ASMT: variants seen among roughly 807,000 people sequenced by gnomAD.
ASMT encodes acetylserotonin N-methyltransferase.
Under a neutral mutation model 41.3 loss-of-function variants are expected in ASMT, and 53 were observed. That is an observed-to-expected ratio of 1.28 (90% CI 1.03 to 1.61). The LOEUF (loss-of-function observed/expected upper bound fraction) is 1.61. Among genes scored for constraint, ASMT ranks in the 40% most tolerant of loss-of-function variants. The pLI is 0.00. For missense variants in ASMT, 531 were observed against 441.3 expected (o/e 1.20, Z -1.82); for synonymous variants, 231 against 184.8 (o/e 1.25, Z -2.03).
At chrX:1,616,591 C>T (rs1277372215) in intron 1 of ASMT, among the ~76,000 whole-genome samples, 2 of 151,418 alleles carry the variant, frequency 1.3e-5, no homozygotes, top group Non-Finnish European at 3.0e-5. Flanking sequence ...TTAATGATGG[C>T]CGGGCTCAGC....
intron 1 of ASMT, among the ~76,000 whole-genome samples, chrX:1,622,923 A>G (rs1272729258): frequency 2.6e-5 from 4 of 151,900 alleles, no homozygotes; most frequent in Non-Finnish European, 4.4e-5. Flanking sequence ...AAATAAATAA[A>G]TTAATTAATT....
rs185211386 is a variant in ASMT, at chrX:1,633,725, G to A, written c.787+435G>A. Among the ~76,000 whole-genome samples the A allele has an allele frequency of 4.3e-3, 640 of 147,672 alleles. 6 individuals carry two copies. Among genetic ancestry groups the A allele is most frequent in the African/African-American group, 0.015 (595 of 39,742 alleles). On this transcript the variant is annotated intron_variant, in intron 7 of 8. Transcript: ENST00000381241. ...CAGATCTCGGCTCCCTTCAAGCTCC[G>A]CCTCCCGGGTTCACACCATTCTCCT...
At chrX:1,621,670 C>T (rs1465141529) in intron 1 of ASMT, among the ~76,000 whole-genome samples, 8 of 151,628 alleles carry the variant, frequency 5.3e-5, no homozygotes, top group Non-Finnish European at 1.2e-4. Context: ...TACCTGATTA[C>T]TGCTTTATTT....
rs1202061654 is a variant in ASMT at position 1,636,510 on chromosome X, A to C, written c.860A>C (p.Asp287Ala). The C allele has an allele frequency of 6.2e-7, 1 of 1,613,938 alleles. No homozygotes were observed. The highest frequency in any genetic ancestry group is 8.5e-7 in the Non-Finnish European group (1 of 1,179,870). ...ILARVLHDWA[D>A]GKCSHLLERI... ...GCCAGGGTCCTCCATGACTGGGCAGACGGAAAGTGCTCACACCTGCTGGAG... is the reference window on the plus strand; with the variant it reads ...GCCAGGGTCCTCCATGACTGGGCAGCCGGAAAGTGCTCACACCTGCTGGAG... The change falls in exon 8 of 9, where the codon GAC (aspartate) becomes GCC (alanine). Residue 287 changes from aspartate (D) to alanine (A), a missense_variant. By Grantham distance (126) the Asp-to-Ala change is moderately radical. Coordinates refer to ENST00000381241, the MANE Select transcript of ASMT (RefSeq NM_001171038.2).
intron 5 of ASMT, among the ~76,000 whole-genome samples, chrX:1,630,986 C>CT (rs1222164965): frequency 6.7e-6 from 1 of 149,896 alleles, no homozygotes; most frequent in African/African-American, 2.5e-5. Flanking sequence ...TCTCCACTCA[C>CT]TGCAAGCTCT....
At chrX:1,634,521 G>A (rs768228777) in intron 7 of ASMT, among the ~76,000 whole-genome samples, 1 of 152,244 alleles carries the variant, frequency 6.6e-6, no homozygotes, top group South Asian at 2.1e-4. Context: ...ACTATCCTGG[G>A]TGGCCCAGAG....
intron 8 of ASMT, 25 bp from the exon 9 acceptor site, chrX:1,642,778 G>A: frequency 6.2e-7 from 1 of 1,603,588 alleles, no homozygotes; most frequent in Non-Finnish European, 8.5e-7. Flanking sequence ...TGTGTGTGAT[G>A]TGGACTGTGC....
chrX:1,636,875 A>C (rs1934986836), intron 8 of ASMT, among the ~76,000 whole-genome samples: 1 of 152,206 alleles, frequency 6.6e-6, no homozygotes, highest in Non-Finnish European at 1.5e-5. Context: ...TCTGAGGTCC[A>C]CCCATCCTGA....
chrX:1,621,498 A>G (rs1934336393), intron 1 of ASMT, among the ~76,000 whole-genome samples: 1 of 151,732 alleles, frequency 6.6e-6, no homozygotes, highest in South Asian at 2.1e-4. Context: ...TTATACTTTT[A>G]GTAGAGATGG....
chrX:1,642,456 T>C (rs1935224860), intron 8 of ASMT, among the ~76,000 whole-genome samples: 1 of 146,948 alleles, frequency 6.8e-6, no homozygotes, highest in Non-Finnish European at 1.5e-5. Flanking sequence ...TGTCCCAGTG[T>C]CCTGAGAGGT....
chrX:1,640,449 G>C (rs1230747234), intron 8 of ASMT, among the ~76,000 whole-genome samples: 3 of 39,168 alleles, frequency 7.7e-5, no homozygotes, highest in Non-Finnish European at 1.1e-4. Flanking sequence ...CACAGCCTCT[G>C]TGTGTGAGAT....
Position 1,616,169 on chromosome X carries a change from C to T in ASMT, c.69+901C>T, listed in dbSNP as rs772022862. On this transcript the variant is annotated intron_variant, in intron 1 of 8. Transcript: ENST00000381241. ...TCAGCCTCCCGAGTATCTGGGATTA[C>T]AGGCACCCACCACCACGCCCGGCTA... Among the ~76,000 whole-genome samples the T allele has an allele frequency of 1.9e-4, 28 of 144,136 alleles. 1 individual carries two copies. The highest frequency in any genetic ancestry group is 1.6e-3 in the Admixed American group (24 of 14,664). 94.6% of individuals were successfully genotyped at this position (144,136 alleles called of 152,430 possible).
intron 1 of ASMT, among the ~76,000 whole-genome samples, chrX:1,616,778 G>T (rs372340590): frequency 6.6e-6 from 1 of 151,014 alleles, no homozygotes; most frequent in Non-Finnish European, 1.5e-5. Context: ...GCACGATCTC[G>T]GCTCACTGCA....
chrX:1,615,441 C>G, intron 1 of ASMT, 173 bp downstream of exon 1: 1 of 205,212 alleles, frequency 4.9e-6, no homozygotes, highest in Non-Finnish European at 8.6e-6. Context: ...AGGACATGTG[C>G]CCAGGGTGGT....
chrX:1,625,353 CT>C (rs1190630918), intron 3 of ASMT, among the ~76,000 whole-genome samples: 4 of 151,430 alleles, frequency 2.6e-5, no homozygotes, highest in Admixed American at 6.6e-5. Flanking sequence ...ATCTGCCTGC[CT>C]ACATGGTGGC....
chrX:1,625,890 G>T (rs1274767016), intron 3 of ASMT, among the ~76,000 whole-genome samples: 10 of 147,350 alleles, frequency 6.8e-5, no homozygotes. Flanking sequence ...GGGAGGCGGA[G>T]GTTGCAGTGA....
At chrX:1,629,982 G>A (rs1468638432) in intron 5 of ASMT, 43 bp downstream of exon 5, 2 of 1,466,838 alleles carry the variant, frequency 1.4e-6, no homozygotes, top group African/African-American at 2.8e-5. Flanking sequence ...TGTGGCTTCT[G>A]TTCTGTATGG....
intron 2 of ASMT, among the ~76,000 whole-genome samples, chrX:1,623,639 A>G (rs764282553): frequency 2.6e-5 from 4 of 152,178 alleles, no homozygotes; most frequent in Admixed American, 2.0e-4. Flanking sequence ...TGTGGCAGCT[A>G]CCGACCTCTG....
intron 5 of ASMT, 106 bp downstream of exon 5, chrX:1,630,045 G>A: frequency 1.9e-6 from 2 of 1,046,870 alleles, no homozygotes; most frequent in Non-Finnish European, 3.0e-6. Context: ...TTTGACATGT[G>A]CGGCCTTACT....
Sources: allele counts gnomAD v4.1 joint callset (sites outside exome capture counted in the v4.1 genomes callset), GRCh38; gene constraint gnomAD v4.1.1; transcripts MANE v1.5; gene names NCBI Gene and HGNC (gene_info 2026-07-23, HGNC 2026-07-21).